Variants in PDE11A observed in about 807,000 individuals in gnomAD.
PDE11A encodes dual 3',5'-cyclic-AMP and -GMP phosphodiesterase 11A.
In PDE11A, 100 loss-of-function variants were observed where a neutral mutation model predicts 100.5. The ratio of observed to expected loss-of-function variants is 1.00; its 90% CI spans 0.85 to 1.18. PDE11A has a LOEUF of 1.18. Among genes scored for constraint, PDE11A ranks in the 50% most tolerant of loss-of-function variants. PDE11A has a pLI of 0.00. For missense variants in PDE11A, 1,141 were observed against 1,152.6 expected, an observed-to-expected ratio of 0.99 and a Z score of 0.15; for synonymous variants, 381 against 420.8, an observed-to-expected ratio of 0.91 and a Z score of 1.16.
chr2:177,719,540 C>T (rs1191891841), intron 12 of PDE11A, among the ~76,000 whole-genome samples: 1 of 152,094 alleles, frequency 6.6e-6, no homozygotes, highest in Non-Finnish European at 1.5e-5. Context: ...ACGGCTCAGA[C>T]AATTCCAAGG....
intron 9 of PDE11A, among the ~76,000 whole-genome samples, chr2:177,790,083 C>A (rs1258568863): frequency 6.6e-6 from 1 of 152,042 alleles, no homozygotes; most frequent in Non-Finnish European, 1.5e-5. Flanking sequence ...ATCACCAAGT[C>A]AGTCCTAAGC....
Position 178,072,519 on chromosome 2 carries a change from G to A in PDE11A, c.-82C>T. On this transcript the variant is annotated 5_prime_UTR_variant, in exon 1 of 20. Transcript: ENST00000286063. ...GAGGCCTCTAGCTGTTCCTGCACAT[G>A]TTCACCCCCACCAGTATTCCCAGTT... The A allele has an allele frequency of 6.3e-7, 1 of 1,584,988 alleles. No individual in the cohort carries two copies.
intron 16 of PDE11A, chr2:177,675,925 T>C (rs1380220053): frequency 1.2e-5 from 4 of 327,958 alleles, no homozygotes; most frequent in African/African-American, 2.2e-5. Flanking sequence ...TACCAACTTA[T>C]CATTGATTGA....
intron 9 of PDE11A, among the ~76,000 whole-genome samples, chr2:177,795,796 T>C (rs949582205): frequency 6.6e-6 from 1 of 151,488 alleles, no homozygotes; most frequent in Non-Finnish European, 1.5e-5. Flanking sequence ...TTTTTATGTA[T>C]TGAGAAATGT....
chr2:177,923,202 G>T (rs1047551264), intron 2 of PDE11A, among the ~76,000 whole-genome samples: 2 of 151,284 alleles, frequency 1.3e-5, no homozygotes, highest in African/African-American at 4.9e-5. Context: ...AAAAATACAG[G>T]GTCTTGCTCT....
rs776848031 is a variant in PDE11A at position 177,844,436 on chromosome 2, G to A, written c.1368-4053C>T. On this transcript the variant is annotated intron_variant, in intron 5 of 19. Coordinates refer to ENST00000286063, the MANE Select transcript of PDE11A (RefSeq NM_016953.4). ...CTCACATTAGGGACTGGGTTTCAAC[G>A]TATGAATTTTTGGGCAGACACAAAC... Among the ~76,000 whole-genome samples the A allele has an allele frequency of 5.9e-5, 9 of 151,388 alleles. 1 individual carries two copies. Among genetic ancestry groups the A allele is most frequent in the Admixed American group, 1.3e-4 (2 of 15,212 alleles).
At position 177,729,914 on chromosome 2, in the gene PDE11A, G is replaced by A. The variant is rs544606904; in HGVS notation, c.1789-1742C>T. Among the ~76,000 whole-genome samples, 3 of 151,354 alleles carry A rather than the reference G, an allele frequency of 2.0e-5. No individual in the cohort carries two copies. In the East Asian group the frequency reaches 5.8e-4, roughly 29 times the overall value. Reference sequence around the variant, plus strand: ...TGCTTTGTAGTTACCATGAGGCTTAGCTTTAGCTGTAGTAAATTATTTTAA... The same window carrying A: ...TGCTTTGTAGTTACCATGAGGCTTAACTTTAGCTGTAGTAAATTATTTTAA... On this transcript the variant is annotated intron_variant, in intron 10 of 19. Transcript: ENST00000286063.
At chr2:177,892,886 A>G (rs2084552336) in intron 4 of PDE11A, among the ~76,000 whole-genome samples, 1 of 152,226 alleles carries the variant, frequency 6.6e-6, no homozygotes, top group Non-Finnish European at 1.5e-5. Context: ...GGAAATGGGA[A>G]AAGTTGCATT....
At chr2:177,665,410 G>A (rs1167648320) in intron 18 of PDE11A, among the ~76,000 whole-genome samples, 4 of 150,978 alleles carry the variant, frequency 2.6e-5, no homozygotes, top group African/African-American at 9.8e-5. Context: ...AGCCCAAGAT[G>A]TCGAGGCTGT....
Position 177,682,503 on chromosome 2 carries a change from C to T in PDE11A, c.2346-1600G>A, listed in dbSNP as rs545177401. Among the ~76,000 whole-genome samples, 9 of 152,160 alleles carry T rather than the reference C, an allele frequency of 5.9e-5. No homozygotes were observed. The South Asian group carries it at 6.2e-4, about 11-fold the overall frequency. ...ACCCATGGAAATCCATTTGGAGATGCGTAGATACGGAAAAGACAAGCAAGG... is the reference window on the plus strand; with the variant it reads ...ACCCATGGAAATCCATTTGGAGATGTGTAGATACGGAAAAGACAAGCAAGG... On this transcript the variant is annotated intron_variant, in intron 15 of 19. Coordinates refer to ENST00000286063, the MANE Select transcript of PDE11A (RefSeq NM_016953.4).
At chr2:177,876,928 A>G (rs1308342614) in intron 4 of PDE11A, among the ~76,000 whole-genome samples, 1 of 148,310 alleles carries the variant, frequency 6.7e-6, no homozygotes, top group Non-Finnish European at 1.5e-5. Context: ...ACTAATGTGC[A>G]GAAGCACAGA....
chr2:178,034,775 C>A (rs2086589735), intron 1 of PDE11A, among the ~76,000 whole-genome samples: 1 of 152,168 alleles, frequency 6.6e-6, no homozygotes, highest in South Asian at 2.1e-4. Context: ...TGAATGACTA[C>A]TGGGAAAATA....
intron 1 of PDE11A, chr2:178,038,969 G>T (rs1194919542): frequency 6.6e-6 from 1 of 152,156 alleles, no homozygotes; most frequent in Non-Finnish European, 1.5e-5. Context: ...CCTGCGCAAG[G>T]ATGATGAGCA....
At chr2:177,932,418 A>G (rs1239750126) in intron 2 of PDE11A, among the ~76,000 whole-genome samples, 1 of 152,196 alleles carries the variant, frequency 6.6e-6, no homozygotes, top group African/African-American at 2.4e-5. Flanking sequence ...ACAAAATTCA[A>G]CAATACATAA....
chr2:177,674,897 C>A (rs3770014), intron 17 of PDE11A, among the ~76,000 whole-genome samples: 106,881 of 151,790 alleles, frequency 0.7, 37,888 homozygotes, highest in Admixed American at 0.77. Flanking sequence ...CCCTGGTCTT[C>A]AGTTGGGTAG....
At chr2:177,882,496 A>C (rs2084359476) in intron 4 of PDE11A, among the ~76,000 whole-genome samples, 1 of 152,250 alleles carries the variant, frequency 6.6e-6, no homozygotes, top group Non-Finnish European at 1.5e-5. Flanking sequence ...AAAGTTTACT[A>C]TCTAAATCCA....
intron 19 of PDE11A, among the ~76,000 whole-genome samples, chr2:177,660,930 C>T (rs2080476969): frequency 1.3e-5 from 2 of 152,300 alleles, no homozygotes; most frequent in South Asian, 4.1e-4. Context: ...GGCCACCCGC[C>T]CCTGCCAAAC....
At chr2:178,033,111 G>C (rs1473237878) in intron 1 of PDE11A, among the ~76,000 whole-genome samples, 1 of 152,150 alleles carries the variant, frequency 6.6e-6, no homozygotes, top group Non-Finnish European at 1.5e-5. Flanking sequence ...TGAGCTAAAG[G>C]AGCATGTTTT....
chr2:177,708,190 T>A (rs1229448963), intron 13 of PDE11A, among the ~76,000 whole-genome samples: 5 of 151,794 alleles, frequency 3.3e-5, no homozygotes, highest in African/African-American at 1.2e-4. Flanking sequence ...ATTGCAGCTC[T>A]ATTCACAATA....
Sources: gnomAD v4.1 joint callset for allele counts (sites outside exome capture counted in the v4.1 genomes callset) on GRCh38, gnomAD v4.1.1 for gene constraint, MANE v1.5 for transcripts, NCBI Gene and HGNC (gene_info 2026-07-23, HGNC 2026-07-21) for gene names.